The following PCDH11Y variants were observed in gnomAD, a reference collection of about 807,000 sequenced individuals.
PCDH11Y encodes the protein protocadherin 11 Y-linked.
For synonymous variants in PCDH11Y, 9 were observed against 83.6 expected (o/e 0.11, Z 4.87); for missense variants, 12 against 224.8 (o/e 0.05, Z 6.05).
intron 4 of PCDH11Y, among the ~76,000 whole-genome samples, chrY:5,612,138 T>C: frequency 3.3e-5 from 1 of 30,216 alleles, no homozygotes; most frequent in African/African-American, 1.3e-4. Flanking sequence ...GTCTTCTGCG[T>C]CGCTCACGCT....
downstream of PCDH11Y, among the ~76,000 whole-genome samples, chrY:5,106,791 A>G (rs749204430): frequency 0.11 from 3,656 of 32,987 alleles, no homozygotes; most frequent in Non-Finnish European, 0.19. Flanking sequence ...ATTCCAAGGA[A>G]TGTAAAAATT....
chrY:5,491,576 G>A, intron 2 of PCDH11Y, among the ~76,000 whole-genome samples: 1 of 31,339 alleles, frequency 3.2e-5, no homozygotes, highest in Admixed American at 2.9e-4. Flanking sequence ...TGCCACGTTG[G>A]GGGTGATGAG....
At chrY:5,143,583 A>G in intron 2 of PCDH11Y, among the ~76,000 whole-genome samples, 1 of 33,483 alleles carries the variant, frequency 3.0e-5, no homozygotes, top group Non-Finnish European at 7.4e-5. Flanking sequence ...TCACCTTCCA[A>G]AATTTCACTT....
At chrY:5,048,532 T>C in intron 3 of PCDH11Y, among the ~76,000 whole-genome samples, 1 of 33,392 alleles carries the variant, frequency 3.0e-5, no homozygotes, top group Non-Finnish European at 7.4e-5. Flanking sequence ...TGTAAAAGTA[T>C]TCTCTTTTCT....
chrY:5,016,553 A>G (rs2124619191), intron 1 of PCDH11Y, among the ~76,000 whole-genome samples: 1 of 33,197 alleles, frequency 3.0e-5, no homozygotes, highest in South Asian at 6.7e-4. Context: ...TAAAAATACT[A>G]ACTCATTAAC....
rs377559341 is a variant in PCDH11Y at position 5,690,105 on chromosome Y, G to C, written c.3353-47167G>C. Among the ~76,000 whole-genome samples, 35 of 32,864 alleles carry C rather than the reference G, an allele frequency of 1.1e-3. No individual in the cohort carries two copies. In the South Asian group the frequency reaches 0.014, roughly 13 times the overall value. The allele number at this position is 32,864 out of a possible 37,273, so 88.2% of individuals were successfully genotyped here. On this transcript the variant is annotated intron_variant, in intron 4 of 4. Coordinates refer to the PCDH11Y transcript ENST00000400457. ...CATATTTAGAACATAAATAAGAAGA[G>C]AGAAAAAAGAATAAACACATAGATA... is the stretch of plus-strand genomic sequence containing the variant.
intron 3 of PCDH11Y, among the ~76,000 whole-genome samples, chrY:5,567,726 T>C: frequency 3.4e-5 from 1 of 29,556 alleles, no homozygotes; most frequent in African/African-American, 1.3e-4. Flanking sequence ...AGATATTATA[T>C]ATCTATATGT....
intron 2 of PCDH11Y, among the ~76,000 whole-genome samples, chrY:5,331,749 A>C: frequency 3.0e-5 from 1 of 33,169 alleles, no homozygotes; most frequent in African/African-American, 1.2e-4. Context: ...ATATCTCCTC[A>C]AATTATGTAA....
chrY:5,015,348 G>A, intron 1 of PCDH11Y, among the ~76,000 whole-genome samples: 1 of 32,815 alleles, frequency 3.0e-5, no homozygotes, highest in South Asian at 6.8e-4. Flanking sequence ...GATTCCATGA[G>A]CTTTTCACCA....
intron 4 of PCDH11Y, among the ~76,000 whole-genome samples, chrY:5,596,404 A>G: frequency 3.1e-5 from 1 of 31,951 alleles, no homozygotes; most frequent in Admixed American, 2.9e-4. Context: ...ATAAATTAAC[A>G]CAGAGACATT....
chrY:5,164,360 T>A, intron 2 of PCDH11Y, among the ~76,000 whole-genome samples: 1 of 32,171 alleles, frequency 3.1e-5, no homozygotes, highest in Admixed American at 2.9e-4. Context: ...TTTTATAATA[T>A]ACGTGATGTA....
chrY:5,688,161 A>G, intron 4 of PCDH11Y, among the ~76,000 whole-genome samples: 2 of 33,754 alleles, frequency 5.9e-5, no homozygotes, highest in Non-Finnish European at 1.5e-4. Flanking sequence ...TCATGTTCAA[A>G]GATAATGGAA....
intron 3 of PCDH11Y, among the ~76,000 whole-genome samples, chrY:5,048,721 A>G: frequency 3.1e-5 from 1 of 32,470 alleles, no homozygotes. Context: ...GTGTCTCCTC[A>G]TGTCCTTTGC....
chrY:5,236,177 G>A lies in PCDH11Y; in HGVS notation c.3129+135470G>A, dbSNP rs1602890608. 2.1e-4 allele frequency among the ~76,000 whole-genome samples: 7 copies of A among 32,812 alleles called. No homozygotes were observed. In the East Asian group the frequency reaches 5.6e-3, roughly 26 times the overall value. The allele number at this position is 32,812 out of a possible 37,273, so 88.0% of individuals were successfully genotyped here. ...ACGATTTTACAAATTTGAAGGAAGA[G>A]CAAACACCAAAAACATATCTTCTTA... On this transcript the variant is annotated intron_variant, in intron 2 of 4. Coordinates refer to the PCDH11Y transcript ENST00000400457.
intron 2 of PCDH11Y, among the ~76,000 whole-genome samples, chrY:5,315,473 G>C (rs1602903268): frequency 3.0e-5 from 1 of 33,713 alleles, no homozygotes; most frequent in Non-Finnish European, 7.4e-5. Flanking sequence ...CATGAGAGCA[G>C]TTCATTATGT....
intron 2 of PCDH11Y, among the ~76,000 whole-genome samples, chrY:5,131,037 C>A: frequency 3.1e-5 from 1 of 32,096 alleles, no homozygotes; most frequent in East Asian, 8.3e-4. Flanking sequence ...ACCATTCAAC[C>A]CAGCAATCCC....
At chrY:5,269,747 G>C in intron 2 of PCDH11Y, among the ~76,000 whole-genome samples, 8 of 33,147 alleles carry the variant, frequency 2.4e-4, no homozygotes, top group Admixed American at 5.6e-4. Flanking sequence ...TGATGTTTTA[G>C]AAGCTTAGGG....
At chrY:5,700,577 A>G (rs1602961817) in intron 4 of PCDH11Y, among the ~76,000 whole-genome samples, 13 of 33,640 alleles carry the variant, frequency 3.9e-4, no homozygotes, top group African/African-American at 1.5e-3. Context: ...TGCCATGTAA[A>G]ACATGCCTTT....
chrY:5,597,374 T>C, intron 4 of PCDH11Y, among the ~76,000 whole-genome samples: 4 of 28,260 alleles, frequency 1.4e-4, no homozygotes, highest in Admixed American at 3.6e-4. Context: ...CGTATATATA[T>C]ACATATATAT....
Sources: gnomAD v4.1 joint callset for allele counts (sites outside exome capture counted in the v4.1 genomes callset) on GRCh38, gnomAD v4.1.1 for gene constraint, MANE v1.5 for transcripts, NCBI Gene and HGNC (gene_info 2026-07-23, HGNC 2026-07-21) for gene names.